The following SP100 variants were observed in gnomAD, a reference collection of about 807,000 sequenced individuals.
The protein encoded by SP100 is nuclear autoantigen Sp-100.
SP100 carries 84 observed loss-of-function variants against 130.0 expected under a neutral mutation model. That is an observed-to-expected ratio of 0.65 (90% confidence interval 0.54 to 0.77). The LOEUF (loss-of-function observed/expected upper bound fraction) is 0.77, where lower values mean the gene tolerates loss of function less well. Ranked by LOEUF, SP100 falls within the 30% of genes least tolerant of loss-of-function variation. The pLI, the probability that SP100 is intolerant of heterozygous loss-of-function variation, is 0.00. For missense variants in SP100, 978 were observed against 1,052.2 expected (o/e 0.93, Z 0.97); for synonymous variants, 331 against 351.7 (o/e 0.94, Z 0.66).
At chr2:230,506,717 G>C (rs1035865529) in intron 22 of SP100, 1 of 282,164 alleles carries the variant, frequency 3.5e-6, no homozygotes. Context: ...TGTGCAATTT[G>C]GTCACATGAA....
intron 21 of SP100, among the ~76,000 whole-genome samples, chr2:230,505,625 C>T (rs1410638103): frequency 6.6e-6 from 1 of 152,194 alleles, no homozygotes; most frequent in Non-Finnish European, 1.5e-5. Context: ...TGTTAAATTA[C>T]AGAACTAATG....
chr2:230,514,802 T>C (rs1429657245), intron 24 of SP100, among the ~76,000 whole-genome samples: 1 of 152,206 alleles, frequency 6.6e-6, no homozygotes, highest in Non-Finnish European at 1.5e-5. Context: ...TCAGATTGTG[T>C]CTGCACTACT....
At chr2:230,526,980 A>C (rs1691460642) in intron 24 of SP100, among the ~76,000 whole-genome samples, 7 of 152,194 alleles carry the variant, frequency 4.6e-5, no homozygotes, top group Admixed American at 2.0e-4. Context: ...GGGAGAATGG[A>C]ACCAAGTTAG....
At chr2:230,440,030 C>T (rs372556166) in intron 2 of SP100, among the ~76,000 whole-genome samples, 18 of 152,134 alleles carry the variant, frequency 1.2e-4, no homozygotes, top group Admixed American at 1.3e-4. Flanking sequence ...GAAAGAAAGA[C>T]GCAGGAATAT....
At chr2:230,439,993 C>T (rs1316594266) in intron 2 of SP100, among the ~76,000 whole-genome samples, 1 of 151,926 alleles carries the variant, frequency 6.6e-6, no homozygotes, top group Non-Finnish European at 1.5e-5. Context: ...ATTTTCAAAT[C>T]TTTTCGAAAG....
Position 230,474,387 on chromosome 2 carries a change from T to C in SP100, c.1547-7T>C. ...CAGTTCTCTGACCACTACCTGTCACTTTCTAGATACCATGGATGTTGAAAA... is the reference window on the plus strand; with the variant it reads ...CAGTTCTCTGACCACTACCTGTCACCTTCTAGATACCATGGATGTTGAAAA... On this transcript the variant is annotated splice_region_variant and splice_polypyrimidine_tract_variant and intron_variant, in intron 16 of 28. Transcript: ENST00000340126. 1 of 1,510,652 alleles carries C rather than the reference T, an allele frequency of 6.6e-7. No individual in the cohort carries two copies. Among genetic ancestry groups the C allele is most frequent in the Non-Finnish European group, 9.1e-7 (1 of 1,094,288 alleles). 93.6% of individuals were successfully genotyped at this position (1,510,652 alleles called of 1,614,324 possible). A position where few individuals can be genotyped will look rare whatever the true frequency, so the allele number is the denominator to read the frequency against.
chr2:230,541,243 A>C, intron 26 of SP100, 58 bp from the exon 27 acceptor site: 2 of 1,502,960 alleles, frequency 1.3e-6, no homozygotes, highest in Admixed American at 1.7e-5. Flanking sequence ...TTGGGCAAGC[A>C]TATGAGCTCT....
chr2:230,506,347 A>T lies in SP100; in HGVS notation c.1915A>T (p.Thr639Ser). Reference protein sequence around the residue: ...CIQSEDKKWFTPREFEIEGDR... With the variant: ...CIQSEDKKWFSPREFEIEGDR... ...ACAGAGTGAGGATAAAAAGTGGTTC[A>T]CTCCCAGGGAATTTGAAATTGAAGG... The change falls in exon 22 of 29, where the codon ACT becomes TCT. Residue 639 changes from threonine to serine, a missense_variant. Coordinates refer to ENST00000340126, the MANE Select transcript of SP100 (RefSeq NM_001080391.2). 6.2e-7 allele frequency: 1 copy of T among 1,613,918 alleles called. No homozygotes were observed. The highest frequency in any genetic ancestry group is 8.5e-7 in the Non-Finnish European group (1 of 1,179,842).
chr2:230,420,784 C>T (rs750336691), intron 2 of SP100, among the ~76,000 whole-genome samples: 5 of 151,974 alleles, frequency 3.3e-5, no homozygotes, highest in Admixed American at 6.5e-5. Context: ...CCTTTAAAAA[C>T]ACAAGTAGTA....
intron 18 of SP100, among the ~76,000 whole-genome samples, chr2:230,497,544 GAGGAAAGGAAAGGAAAGGAAAGGAA>G (rs1231660014): frequency 0.048 from 918 of 19,198 alleles, 57 homozygotes; most frequent in Middle Eastern, 0.11. Context: ...GAGGAGAGGA[GAGGAAAGGAAAGGAAAGGAAAGGAA>G]AGGAAAGGAA....
At chr2:230,419,359 G>A (rs2062705249) in intron 2 of SP100, among the ~76,000 whole-genome samples, 1 of 152,086 alleles carries the variant, frequency 6.6e-6, no homozygotes, top group African/African-American at 2.4e-5. Context: ...CTTTATCCAG[G>A]GTATCCACAG....
chr2:230,485,274 G>A (rs1408645746), intron 17 of SP100, among the ~76,000 whole-genome samples: 1 of 151,758 alleles, frequency 6.6e-6, no homozygotes, highest in Non-Finnish European at 1.5e-5. Context: ...CCTCCCTTTG[G>A]GCACTATATT....
At chr2:230,476,020 G>C (rs1329339906) in intron 17 of SP100, among the ~76,000 whole-genome samples, 1 of 152,136 alleles carries the variant, frequency 6.6e-6, no homozygotes, top group Admixed American at 6.6e-5. Context: ...GGCTATTCAG[G>C]CTCTTTTATG....
rs973329838 is a variant in SP100, at chr2:230,544,372, A to G, written c.*1426A>G. On this transcript the variant is annotated 3_prime_UTR_variant, in exon 29 of 29. Coordinates refer to ENST00000340126, the MANE Select transcript of SP100 (RefSeq NM_001080391.2). ...CAGACAACCTACAAAATGGGAGAAA[A>G]TATTTGCACACTATGCATCTGACAA... is the stretch of plus-strand genomic sequence containing the variant. Among the ~76,000 whole-genome samples the G allele has an allele frequency of 1.3e-5, 2 of 152,270 alleles. No homozygotes were observed. The highest frequency in any genetic ancestry group is 2.9e-5 in the Non-Finnish European group (2 of 68,054).
intron 17 of SP100, among the ~76,000 whole-genome samples, chr2:230,481,408 A>T (rs2065826743): frequency 6.6e-6 from 1 of 152,126 alleles, no homozygotes; most frequent in Admixed American, 6.6e-5. Flanking sequence ...TGAGCCAAAA[A>T]TGTAGAAGGT....
At chr2:230,524,015 A>G (rs1173603665) in intron 24 of SP100, among the ~76,000 whole-genome samples, 1 of 151,732 alleles carries the variant, frequency 6.6e-6, no homozygotes, top group Non-Finnish European at 1.5e-5. Context: ...TTTTGAGGTG[A>G]CAGAGCTTGG....
chr2:230,465,485 C>G (rs56334864), intron 11 of SP100, among the ~76,000 whole-genome samples: 1,548 of 152,268 alleles, frequency 0.01, 37 homozygotes, highest in African/African-American at 0.035. Flanking sequence ...CAAAGTAACG[C>G]AGAAACAGAA....
At chr2:230,481,126 T>A (rs1313440493) in intron 17 of SP100, among the ~76,000 whole-genome samples, 1 of 152,056 alleles carries the variant, frequency 6.6e-6, no homozygotes, top group East Asian at 1.9e-4. Flanking sequence ...CTGAGTGCTT[T>A]CCTTGTCTCT....
intron 8 of SP100, among the ~76,000 whole-genome samples, chr2:230,452,782 C>T (rs1489541716): frequency 6.9e-6 from 1 of 145,674 alleles, no homozygotes; most frequent in Non-Finnish European, 1.5e-5. Flanking sequence ...CGTTTGTATC[C>T]TGCCACTTTA....
Sources: allele counts gnomAD v4.1 joint callset (sites outside exome capture counted in the v4.1 genomes callset), GRCh38; gene constraint gnomAD v4.1.1; transcripts MANE v1.5; gene names NCBI Gene and HGNC (gene_info 2026-07-23, HGNC 2026-07-21).